The following INPP5A variants were observed in gnomAD, a reference collection of about 807,000 sequenced individuals.
The protein encoded by INPP5A is inositol polyphosphate-5-phosphatase A.
A neutral mutation model predicts 65.2 loss-of-function variants in INPP5A; 14 were observed. That is an observed-to-expected ratio of 0.21 (90% confidence interval 0.14 to 0.34). The LOEUF is 0.34. Among genes scored for constraint, INPP5A ranks in the 10% least tolerant of loss-of-function variants. INPP5A has a pLI of 1.00. For synonymous variants in INPP5A, 207 were observed against 208.3 expected, an observed-to-expected ratio of 0.99 and a Z score of 0.05; for missense variants, 431 against 545.6, an observed-to-expected ratio of 0.79 and a Z score of 2.09.
At chr10:132,614,846 C>A (rs920733406) in intron 2 of INPP5A, among the ~76,000 whole-genome samples, 2 of 152,264 alleles carry the variant, frequency 1.3e-5, no homozygotes, top group Non-Finnish European at 2.9e-5. Flanking sequence ...TTCTATCCTA[C>A]AAGGACACGG....
chr10:132,667,924 C>T (rs1044768433), intron 4 of INPP5A, among the ~76,000 whole-genome samples: 1 of 152,108 alleles, frequency 6.6e-6, no homozygotes, highest in Non-Finnish European at 1.5e-5. Context: ...CCGCCATGCA[C>T]CAATTCTCCA....
intron 2 of INPP5A, among the ~76,000 whole-genome samples, chr10:132,628,735 A>G (rs1177282387): frequency 6.6e-6 from 1 of 152,252 alleles, no homozygotes; most frequent in Non-Finnish European, 1.5e-5. Flanking sequence ...AATGAAAGAG[A>G]ACATGTAAAA....
intron 1 of INPP5A, among the ~76,000 whole-genome samples, chr10:132,553,704 G>A (rs192522186): frequency 1.8e-3 from 259 of 144,536 alleles, no homozygotes; most frequent in African/African-American, 6.4e-3. Context: ...GTGGAATATT[G>A]AGTGGGATAG....
At chr10:132,711,558 G>GGCCCCTGACCTGAGCCCCCGCCCA (rs1845637277) in intron 8 of INPP5A, among the ~76,000 whole-genome samples, 1 of 152,100 alleles carries the variant, frequency 6.6e-6, no homozygotes, top group Non-Finnish European at 1.5e-5. Flanking sequence ...CTCCCTAGAG[G>GGCCCCTGACCTGAGCCCCCGCCCA]GCCCCTGACC....
Position 132,696,649 on chromosome 10 carries a change from T to C in INPP5A, c.371-1167T>C, listed in dbSNP as rs1463619558. ...GTGGAGACAGTGAAAGGATCCGTGG[T>C]GTCTAAGCTCCGAGTTTAGGGAATG... On this transcript the variant is annotated intron_variant, in intron 5 of 15. Transcript: ENST00000368594. Among the ~76,000 whole-genome samples, 3 of 152,318 alleles carry C rather than the reference T, an allele frequency of 2.0e-5. No homozygotes were observed. The East Asian group carries it at 5.8e-4, about 29-fold the overall frequency.
At chr10:132,541,887 C>G (rs1564909706) in intron 1 of INPP5A, among the ~76,000 whole-genome samples, 1 of 152,248 alleles carries the variant, frequency 6.6e-6, no homozygotes, top group Non-Finnish European at 1.5e-5. Flanking sequence ...ACTGCCAGAT[C>G]ACCCTCGGTG....
At chr10:132,579,658 G>A (rs958338207) in intron 1 of INPP5A, among the ~76,000 whole-genome samples, 1 of 152,174 alleles carries the variant, frequency 6.6e-6, no homozygotes, top group African/African-American at 2.4e-5. Context: ...CGGCCATCCT[G>A]CCCTGTCCCT....
At chr10:132,712,748 G>GTGTA (rs1372175490) in intron 8 of INPP5A, among the ~76,000 whole-genome samples, 1 of 151,748 alleles carries the variant, frequency 6.6e-6, no homozygotes, top group Non-Finnish European at 1.5e-5. Flanking sequence ...GTGTGTGTAG[G>GTGTA]TGCATGTGTC....
chr10:132,661,754 G>A (rs1209612677), intron 4 of INPP5A, among the ~76,000 whole-genome samples: 2 of 152,108 alleles, frequency 1.3e-5, no homozygotes, highest in African/African-American at 4.8e-5. Flanking sequence ...GAATAAAGAT[G>A]GAGTCCTTAT....
In INPP5A at chr10:132,538,909, G is replaced by C. The variant is rs1339534581; in HGVS notation, c.75+738G>C. Among the ~76,000 whole-genome samples the C allele has an allele frequency of 6.6e-6, 1 of 152,056 alleles. No individual in the cohort carries two copies. Among genetic ancestry groups the C allele is most frequent in the Non-Finnish European group, 1.5e-5 (1 of 68,010 alleles). On this transcript the variant is annotated intron_variant, in intron 1 of 15. Coordinates refer to ENST00000368594, the MANE Select transcript of INPP5A (RefSeq NM_005539.5). The surrounding 1 kb of genome is among the most constrained non-coding windows in gnomAD (Gnocchi z 4.1). ...TCTAAAGCCAATCTAGCCTGACTCT[G>C]AACCCTGAATTTCAACCTCAGGCCC...
At chr10:132,673,516 A>G (rs528582006) in intron 4 of INPP5A, among the ~76,000 whole-genome samples, 1 of 152,334 alleles carries the variant, frequency 6.6e-6, no homozygotes, top group Admixed American at 6.5e-5. Flanking sequence ...TGTGACTTCA[A>G]AAGGCCATTC....
intron 2 of INPP5A, 118 bp from the exon 3 acceptor site, chr10:132,645,750 C>A: frequency 1.4e-6 from 1 of 714,384 alleles, no homozygotes; most frequent in Non-Finnish European, 2.4e-6. Context: ...AGACATGGGG[C>A]CCCGTCTCTG....
At chr10:132,573,478 C>T (rs1484512872) in intron 1 of INPP5A, among the ~76,000 whole-genome samples, 9 of 40,068 alleles carry the variant, frequency 2.2e-4, no homozygotes, top group African/African-American at 7.2e-4. Flanking sequence ...TTGGGGTGTA[C>T]GTGCCGTGTG....
chr10:132,726,201 TACAC>T (rs1443280195), intron 8 of INPP5A, among the ~76,000 whole-genome samples: 1 of 152,212 alleles, frequency 6.6e-6, no homozygotes, highest in Non-Finnish European at 1.5e-5. Context: ...GCTAAAAACA[TACAC>T]ACACGTATGC....
At chr10:132,746,636 A>C (rs182200839) in intron 9 of INPP5A, among the ~76,000 whole-genome samples, 1 of 152,356 alleles carries the variant, frequency 6.6e-6, no homozygotes, top group East Asian at 1.9e-4. Context: ...TGACCCTGGC[A>C]CACAGCGTTC....
In INPP5A at chr10:132,706,495, C is replaced by G. The variant is rs531832899; in HGVS notation, c.475-1818C>G. On this transcript the variant is annotated intron_variant, in intron 6 of 15. Transcript: ENST00000368594. The surrounding 1 kb of genome is among the most constrained non-coding windows in gnomAD (Gnocchi z 4.7). ...AGCCAGAGAGAGGAAAACATACATT[C>G]AGAGGATTCACAGTTCGTGTGCCGG... 3.3e-5 allele frequency among the ~76,000 whole-genome samples: 5 copies of G among 152,366 alleles called. No homozygotes were observed. In the South Asian group the frequency reaches 1.0e-3, roughly 32 times the overall value.
intron 1 of INPP5A, among the ~76,000 whole-genome samples, chr10:132,607,526 C>T (rs1264241313): frequency 3.3e-5 from 5 of 152,308 alleles, no homozygotes; most frequent in East Asian, 1.9e-4. Flanking sequence ...CAGGCAGGGG[C>T]GGGTGTGGAA....
At position 132,651,322 on chromosome 10, in the gene INPP5A, G is replaced by C. The variant is rs541851579; in HGVS notation, c.306+817G>C. Among the ~76,000 whole-genome samples, 1 of 135,022 alleles carries C rather than the reference G, an allele frequency of 7.4e-6. No homozygotes were observed. Among genetic ancestry groups the C allele is most frequent in the South Asian group, 2.5e-4 (1 of 3,944 alleles). The allele number at this position is 135,022 out of a possible 152,430, so 88.6% of individuals were successfully genotyped here. On this transcript the variant is annotated intron_variant, in intron 4 of 15. Transcript: ENST00000368594. This position sits in a 1 kb window ranked among gnomAD's most constrained non-coding sequence, Gnocchi z 5.0. ...TCTCTGGGGAGGCCCTGGGTCCCCCGGCCTGGATCCATCTCCCCCGTCTCT... is the reference window on the plus strand; with the variant it reads ...TCTCTGGGGAGGCCCTGGGTCCCCCCGCCTGGATCCATCTCCCCCGTCTCT...
chr10:132,738,146 AT>A lies in INPP5A; in HGVS notation c.732+11247del, dbSNP rs200370589. Among the ~76,000 whole-genome samples the A allele has an allele frequency of 2.5e-3, 379 of 152,256 alleles. 6 individuals are homozygous for A. Among genetic ancestry groups the A allele is most frequent in the Admixed American group, 0.017 (259 of 15,298 alleles). On this transcript the variant is annotated intron_variant, in intron 9 of 15. Transcript: ENST00000368594. ...ACTAATCTTTAATGCACTTTTCTAT[AT>A]TTTTTATGAGCTCATACTTTATTTA... is the stretch of plus-strand genomic sequence containing the variant.
Sources: gnomAD v4.1 joint callset for allele counts (sites outside exome capture counted in the v4.1 genomes callset) on GRCh38, gnomAD v4.1.1 for gene constraint, Gnocchi (gnomAD v3.1) non-coding constraint, MANE v1.5 for transcripts, NCBI Gene and HGNC (gene_info 2026-07-23, HGNC 2026-07-21) for gene names.